Variants in USP20 observed in about 807,000 individuals in gnomAD.
USP20 encodes ubiquitin specific peptidase 20, also known as ubiquitin carboxyl-terminal hydrolase 20.
A neutral mutation model predicts 124.2 loss-of-function variants in USP20; 80 were observed. The ratio of observed to expected loss-of-function variants is 0.64; its 90% confidence interval spans 0.54 to 0.78. The LOEUF (loss-of-function observed/expected upper bound fraction) is 0.78. Ranked by LOEUF, USP20 falls within the 30% of genes least tolerant of loss-of-function variation. The probability of loss-of-function intolerance (pLI) is 0.00; values close to 1 mark genes in which losing one functional copy is unlikely to be tolerated. For missense variants in USP20, 1,043 were observed against 1,244.4 expected (o/e 0.84, Z 2.44); for synonymous variants, 481 against 512.3 (o/e 0.94, Z 0.83).
intron 22 of USP20, among the ~76,000 whole-genome samples, chr9:129,876,941 A>G (rs1324497962): frequency 6.6e-6 from 1 of 152,144 alleles, no homozygotes; most frequent in Non-Finnish European, 1.5e-5. Flanking sequence ...GAGATTGCCC[A>G]GGGTCCCCTG....
At chr9:129,841,852 T>C (rs1276935215) in intron 1 of USP20, among the ~76,000 whole-genome samples, 1 of 152,140 alleles carries the variant, frequency 6.6e-6, no homozygotes. Context: ...TGTGTCTGAC[T>C]CCATCACCAT....
chr9:129,860,875 C>G, intron 6 of USP20, 62 bp from the exon 7 acceptor site: 1 of 1,554,138 alleles, frequency 6.4e-7, no homozygotes, highest in South Asian at 1.1e-5. Context: ...TTGGGAGACA[C>G]CTGGGCCTCT....
intron 14 of USP20, 151 bp downstream of exon 14, chr9:129,869,995 T>A: frequency 3.4e-6 from 3 of 879,510 alleles, no homozygotes; most frequent in Non-Finnish European, 5.2e-6. Context: ...GGAGTTGGCT[T>A]AATATGCAGG....
chr9:129,847,249 C>G (rs1166373962), intron 1 of USP20, among the ~76,000 whole-genome samples: 1 of 151,894 alleles, frequency 6.6e-6, no homozygotes, highest in Non-Finnish European at 1.5e-5. Context: ...ACATTCCCAC[C>G]AACAGTGCAC....
Position 129,876,447 on chromosome 9 carries a change from T to C in USP20, c.2409+209T>C, listed in dbSNP as rs562012836. ...TGAGGTCAGGAGTTTGAAACCAGCC[T>C]GGCCAACATGGCAAAACCCCGTCTC... On this transcript the variant is annotated intron_variant, in intron 22 of 25. Transcript: ENST00000372429. 2.0e-5 allele frequency among the ~76,000 whole-genome samples: 3 copies of C among 152,274 alleles called. No homozygotes were observed. In the South Asian group the frequency reaches 6.2e-4, roughly 32 times the overall value.
intron 1 of USP20, among the ~76,000 whole-genome samples, chr9:129,841,473 C>T (rs2032207205): frequency 6.6e-6 from 1 of 152,182 alleles, no homozygotes; most frequent in Non-Finnish European, 1.5e-5. Context: ...ACAATTCAGT[C>T]CATAACAAAT....
intron 9 of USP20, among the ~76,000 whole-genome samples, chr9:129,864,562 T>C (rs1329026843): frequency 6.6e-6 from 1 of 150,432 alleles, no homozygotes; most frequent in African/African-American, 2.5e-5. Context: ...GATCGCAAGG[T>C]CAGGAGTTCG....
chr9:129,860,904 C>A, intron 6 of USP20, 33 bp from the exon 7 acceptor site: 2 of 1,606,652 alleles, frequency 1.2e-6, no homozygotes, highest in Non-Finnish European at 1.7e-6. Flanking sequence ...CCCCTCTGTT[C>A]ACTGTTTTCC....
chr9:129,878,361 G>A lies in USP20; in HGVS notation c.2433G>A (p.Glu811=). Residue 811 remains glutamate, a synonymous_variant, in exon 23 of 26, where the codon GAG becomes GAA. Coordinates refer to ENST00000372429, the MANE Select transcript of USP20 (RefSeq NM_001110303.4). ...AGTTGAACAAGGCCTTCCAGGCCGA[G>A]GAGTCGCCGGGCGTCATCTACTGCA... ...FIKLNKAFQA[E]ESPGVIYCIS... The A allele has an allele frequency of 6.2e-7, 1 of 1,602,194 alleles. No homozygotes were observed.
intron 3 of USP20, among the ~76,000 whole-genome samples, chr9:129,854,137 C>T (rs868804041): frequency 1.3e-5 from 2 of 152,076 alleles, no homozygotes; most frequent in Admixed American, 6.5e-5. Context: ...TGCAGATGGG[C>T]GGAAAGAGAC....
intron 10 of USP20, among the ~76,000 whole-genome samples, chr9:129,865,871 C>T (rs184165362): frequency 8.7e-4 from 132 of 152,286 alleles, no homozygotes; most frequent in Middle Eastern, 3.4e-3. Flanking sequence ...GCAGGGCCTC[C>T]GCGTTGCACC....
rs2034311526 is a variant in USP20, at chr9:129,874,845, C to G, written c.1938C>G (p.Ala646=). The change falls in exon 19 of 26, where the codon GCC becomes GCG. Residue 646 remains alanine, a synonymous_variant. Transcript: ENST00000372429. ...CCGCCGCAGGTGGGCACTACATCGC[C>G]TACTGCCAGAACGTGATCAATGGGC... The part of the protein sequence containing the change: ...HGTAGSGHYI[A]YCQNVINGQW... 1 of 1,614,030 alleles carries G rather than the reference C, an allele frequency of 6.2e-7. No homozygotes were observed. Among genetic ancestry groups the G allele is most frequent in the Admixed American group, 1.7e-5 (1 of 60,004 alleles).
chr9:129,875,028 G>A (rs2034322707), intron 19 of USP20, 73 bp downstream of exon 19: 2 of 1,565,038 alleles, frequency 1.3e-6, no homozygotes, highest in Admixed American at 1.8e-5. Flanking sequence ...CCTTCTGGGT[G>A]TGTGTAGGGG....
intron 25 of USP20, 59 bp downstream of exon 25, chr9:129,880,348 G>A (rs549597763): frequency 8.7e-6 from 13 of 1,493,456 alleles, no homozygotes; most frequent in Middle Eastern, 2.2e-4. Flanking sequence ...ACTCTCCAGA[G>A]ACCCTCACAT....
intron 22 of USP20, among the ~76,000 whole-genome samples, 187 bp downstream of exon 22, chr9:129,876,425 G>A (rs1189293981): frequency 6.6e-6 from 1 of 152,142 alleles, no homozygotes; most frequent in Non-Finnish European, 1.5e-5. Context: ...GATCACTTGA[G>A]GTCAGGAGTT....
intron 18 of USP20, 27 bp from the exon 19 acceptor site, chr9:129,874,802 T>C: frequency 6.2e-7 from 1 of 1,613,964 alleles, no homozygotes; most frequent in Non-Finnish European, 8.5e-7. Flanking sequence ...CTAGGATCCC[T>C]GTGACCCGTC....
intron 1 of USP20, among the ~76,000 whole-genome samples, chr9:129,847,456 C>G (rs894148435): frequency 6.6e-6 from 1 of 152,000 alleles, no homozygotes; most frequent in Non-Finnish European, 1.5e-5. Flanking sequence ...GCGCTTCCCA[C>G]CACACTCAGC....
chr9:129,875,008 G>A, intron 19 of USP20, 53 bp downstream of exon 19: 2 of 1,596,272 alleles, frequency 1.3e-6, no homozygotes, highest in South Asian at 1.1e-5. Flanking sequence ...CGTCCCCTGG[G>A]ACCCATGGGC....
intron 4 of USP20, 39 bp downstream of exon 4, chr9:129,856,399 T>C: frequency 1.2e-6 from 2 of 1,605,220 alleles, no homozygotes; most frequent in Non-Finnish European, 1.7e-6. Context: ...GTAGAGCTGC[T>C]TCCACCTGTT....
Sources: gnomAD v4.1 joint callset for allele counts (sites outside exome capture counted in the v4.1 genomes callset) on GRCh38, gnomAD v4.1.1 for gene constraint, MANE v1.5 for transcripts, NCBI Gene and HGNC (gene_info 2026-07-23, HGNC 2026-07-21) for gene names.